FBXO22: variants seen among roughly 807,000 people sequenced by gnomAD.
FBXO22 encodes the protein F-box only protein 22.
Under a neutral mutation model 37.2 loss-of-function variants are expected in FBXO22, and 13 were observed. That is an observed-to-expected ratio of 0.35 (90% confidence interval 0.23 to 0.56). The LOEUF (loss-of-function observed/expected upper bound fraction) is 0.56, where lower values mean the gene tolerates loss of function less well. Ranked by LOEUF, FBXO22 falls within the 20% of genes least tolerant of loss-of-function variation. The pLI, the probability that FBXO22 is intolerant of heterozygous loss-of-function variation, is 0.87. For missense variants in FBXO22, 446 were observed against 509.9 expected (o/e 0.87, Z 1.21); for synonymous variants, 189 against 189.1 (o/e 1.00, Z 0.00).
intron 2 of FBXO22, among the ~76,000 whole-genome samples, chr15:75,911,165 A>G (rs1595911620): frequency 1.3e-5 from 2 of 152,184 alleles, no homozygotes. Context: ...TGGTTACTGT[A>G]GCCTTGTAGT....
intron 2 of FBXO22, among the ~76,000 whole-genome samples, chr15:75,911,712 A>G (rs567573842): frequency 1.3e-5 from 2 of 152,184 alleles, no homozygotes; most frequent in East Asian, 1.9e-4. Context: ...ATCTGCAAAC[A>G]GAGACAATTT....
intron 2 of FBXO22, 63 bp downstream of exon 2, chr15:75,904,692 ATT>A: frequency 7.1e-7 from 1 of 1,401,156 alleles, no homozygotes; most frequent in South Asian, 1.4e-5. Flanking sequence ...TTTGAGAACT[ATT>A]TTTTTTTAAA....
At position 75,935,082 on chromosome 15, in the gene FBXO22, T is replaced by G. The variant is rs1445908938; in HGVS notation, c.*1980T>G. On this transcript the variant is annotated 3_prime_UTR_variant, in exon 7 of 7. Coordinates refer to ENST00000308275, the MANE Select transcript of FBXO22 (RefSeq NM_147188.3). ...TTAGTGCAAAGTAAAAAGGGAAAAG[T>G]TGACCTAATAGAAACAATAGTAGTA... 1 of 152,194 alleles carries G rather than the reference T, an allele frequency of 6.6e-6. No homozygotes were observed. Among genetic ancestry groups the G allele is most frequent in the African/African-American group, 2.4e-5 (1 of 41,446 alleles). 9.4% of individuals were successfully genotyped at this position (152,194 alleles called of 1,614,324 possible). A position where few individuals can be genotyped will look rare whatever the true frequency, so the allele number is the denominator to read the frequency against.
intron 1 of FBXO22, 132 bp from the exon 2 acceptor site, chr15:75,904,359 A>G: frequency 1.5e-6 from 2 of 1,359,996 alleles, no homozygotes; most frequent in South Asian, 2.5e-5. Flanking sequence ...CCTGACTGAC[A>G]CCTACCTACC....
Position 75,937,651 on chromosome 15 carries a change from C to G in FBXO22, c.*4549C>G, listed in dbSNP as rs1216017758. 1 of 151,716 alleles carries G rather than the reference C, an allele frequency of 6.6e-6. No individual in the cohort carries two copies. The allele number at this position is 151,716 out of a possible 1,614,324, so 9.4% of individuals were successfully genotyped here. A position where few individuals can be genotyped will look rare whatever the true frequency, so the allele number is the denominator to read the frequency against. ...AAAATATTGTGACTTTTTAGTGGCT[C>G]TTGCCCGAGCCTCTCCCTACATTGT... On this transcript the variant is annotated 3_prime_UTR_variant, in exon 7 of 7. Transcript: ENST00000308275.
rs531148036 is a variant in FBXO22, at chr15:75,909,918, T to TCTC, written c.280-3283_280-3281dup. On this transcript the variant is annotated intron_variant, in intron 2 of 6. Coordinates refer to ENST00000308275, the MANE Select transcript of FBXO22 (RefSeq NM_147188.3). ...TCTCCTAATGCTATCCCTTCCCTAA[T>TCTC]CTCCCACTCCCTGACAGGCCCTGGT... Among the ~76,000 whole-genome samples, 61 of 152,168 alleles carry TCTC rather than the reference T, an allele frequency of 4.0e-4. No individual in the cohort carries two copies. The South Asian group carries it at 0.012, about 29-fold the overall frequency.
intron 6 of FBXO22, among the ~76,000 whole-genome samples, chr15:75,932,140 C>T (rs576350285): frequency 1.1e-4 from 16 of 152,300 alleles, no homozygotes; most frequent in Admixed American, 7.2e-4. Context: ...CTTTATCCCA[C>T]GAGTTTGAGG....
At chr15:75,912,053 A>G (rs1344364625) in intron 2 of FBXO22, among the ~76,000 whole-genome samples, 1 of 150,230 alleles carries the variant, frequency 6.7e-6, no homozygotes, top group Non-Finnish European at 1.5e-5. Flanking sequence ...TGTTTATATG[A>G]TGTATATGTT....
At chr15:75,924,033 G>A (rs534521595) in intron 5 of FBXO22, among the ~76,000 whole-genome samples, 4 of 152,266 alleles carry the variant, frequency 2.6e-5, no homozygotes, top group East Asian at 3.9e-4. Flanking sequence ...TTGAAGGTGC[G>A]GGTTGGAAGA....
chr15:75,918,264 GA>G (rs1342707698), intron 5 of FBXO22, among the ~76,000 whole-genome samples: 3 of 150,208 alleles, frequency 2.0e-5, no homozygotes, highest in East Asian at 1.9e-4. Flanking sequence ...TACTGATGAG[GA>G]AAAAAAGGGG....
Position 75,930,578 on chromosome 15 carries a change from G to A in FBXO22, c.794+529G>A, listed in dbSNP as rs2029978000. 3.0e-6 allele frequency: 3 copies of A among 985,486 alleles called. No homozygotes were observed. In the South Asian group the frequency reaches 1.4e-4, roughly 46 times the overall value. 61.0% of individuals were successfully genotyped at this position (985,486 alleles called of 1,614,324 possible). On this transcript the variant is annotated intron_variant, in intron 6 of 6. Transcript: ENST00000308275. ...AATTCTGTATTAGATCTTTTGAAAG[G>A]CTTTTTCAAGCTTAAAAATTGTGGA...
Position 75,932,670 on chromosome 15 carries a change from T to C in FBXO22, c.795-15T>C, listed in dbSNP as rs772908326. The stretch of plus-strand genomic sequence containing the variant: ...AATGTTTCATGAGATATTGCCACTT[T>C]TCTAAATTTTCCAGGAACCCTCTGG... On this transcript the variant is annotated splice_polypyrimidine_tract_variant and intron_variant, in intron 6 of 6. Coordinates refer to ENST00000308275, the MANE Select transcript of FBXO22 (RefSeq NM_147188.3). 59 of 1,557,140 alleles carry C rather than the reference T, an allele frequency of 3.8e-5. 1 individual carries two copies. In the Middle Eastern group the frequency reaches 1.9e-3, roughly 50 times the overall value.
In FBXO22 at chr15:75,937,022, G is replaced by A. The variant is rs2030412999; in HGVS notation, c.*3920G>A. On this transcript the variant is annotated 3_prime_UTR_variant, in exon 7 of 7. Coordinates refer to ENST00000308275, the MANE Select transcript of FBXO22 (RefSeq NM_147188.3). ...GCTTTTAAATGCAAATTATCAGATT[G>A]AGGAGAATTTTGAGACCATTGACAT... 6.6e-6 allele frequency: 1 copy of A among 152,072 alleles called. No individual in the cohort carries two copies. Among genetic ancestry groups the A allele is most frequent in the South Asian group, 2.1e-4 (1 of 4,808 alleles). 9.4% of individuals were successfully genotyped at this position (152,072 alleles called of 1,614,324 possible).
At position 75,933,643 on chromosome 15, in the gene FBXO22, A is replaced by G. The variant is rs930350824; in HGVS notation, c.*541A>G. 10 of 172,222 alleles carry G rather than the reference A, an allele frequency of 5.8e-5. No individual in the cohort carries two copies. The highest frequency in any genetic ancestry group is 1.3e-4 in the Non-Finnish European group (10 of 79,194). 10.7% of individuals were successfully genotyped at this position (172,222 alleles called of 1,614,324 possible). ...CTTATTTGATAAAAATTAAAGAACT[A>G]TTTTTGTTTTGGTCAGATAAATTGA... On this transcript the variant is annotated 3_prime_UTR_variant, in exon 7 of 7. Coordinates refer to ENST00000308275, the MANE Select transcript of FBXO22 (RefSeq NM_147188.3).
intron 5 of FBXO22, among the ~76,000 whole-genome samples, chr15:75,927,964 C>G (rs1176896148): frequency 6.6e-6 from 1 of 152,048 alleles, no homozygotes; most frequent in Non-Finnish European, 1.5e-5. Flanking sequence ...GTAATGCTGG[C>G]AGAAGACATA....
chr15:75,942,180 GGAGTA>G lies in FBXO22; in HGVS notation c.*9082_*9086del, dbSNP rs1030890200. On this transcript the variant is annotated 3_prime_UTR_variant, in exon 7 of 7. Coordinates refer to ENST00000308275, the MANE Select transcript of FBXO22 (RefSeq NM_147188.3). Reference sequence around the variant, plus strand: ...GGGAGAGAGGGAGGGGTAAATACATGGAGTAGAGATTTTTAGGGTGGTGAAACTAC... The same window carrying G: ...GGGAGAGAGGGAGGGGTAAATACATGGAGATTTTTAGGGTGGTGAAACTAC... 6 of 151,848 alleles carry G rather than the reference GGAGTA, an allele frequency of 4.0e-5. No individual in the cohort carries two copies. The highest frequency in any genetic ancestry group is 1.5e-4 in the African/African-American group (6 of 41,334). 9.4% of individuals were successfully genotyped at this position (151,848 alleles called of 1,614,324 possible).
Position 75,940,124 on chromosome 15 carries a change from A to G in FBXO22, c.*7022A>G, listed in dbSNP as rs1323055477. On this transcript the variant is annotated 3_prime_UTR_variant, in exon 7 of 7. Coordinates refer to ENST00000308275, the MANE Select transcript of FBXO22 (RefSeq NM_147188.3). ...AAAGATTCCACACCAAAAAAAAAAAATAACTGTTAATTCAGTAAGGTAGCA... is the reference window on the plus strand; with the variant it reads ...AAAGATTCCACACCAAAAAAAAAAAGTAACTGTTAATTCAGTAAGGTAGCA... 1.4e-5 allele frequency: 2 copies of G among 146,796 alleles called. No individual in the cohort carries two copies. The highest frequency in any genetic ancestry group is 3.0e-5 in the Non-Finnish European group (2 of 66,446). The allele number at this position is 146,796 out of a possible 1,614,324, so 9.1% of individuals were successfully genotyped here.
chr15:75,910,021 G>T (rs983342871), intron 2 of FBXO22, among the ~76,000 whole-genome samples: 6 of 152,072 alleles, frequency 3.9e-5, no homozygotes, highest in Admixed American at 3.9e-4. Context: ...GCAGCATTTG[G>T]TTTTCTGTTC....
chr15:75,909,868 C>T (rs1406722216), intron 2 of FBXO22, among the ~76,000 whole-genome samples: 1 of 151,234 alleles, frequency 6.6e-6, no homozygotes, highest in African/African-American at 2.4e-5. Flanking sequence ...CTGCACCCAT[C>T]AACCCGTCAT....
Sources: allele counts gnomAD v4.1 joint callset (sites outside exome capture counted in the v4.1 genomes callset), GRCh38; gene constraint gnomAD v4.1.1; transcripts MANE v1.5; gene names NCBI Gene and HGNC (gene_info 2026-07-23, HGNC 2026-07-21).